The following PCNT variants were observed in gnomAD, a reference collection of about 807,000 sequenced individuals.
The protein encoded by PCNT is pericentrin.
PCNT carries 319 observed loss-of-function variants against 380.4 expected under a neutral mutation model. The observed-to-expected ratio is 0.84, with a 90% CI of 0.77 to 0.92. The LOEUF (loss-of-function observed/expected upper bound fraction) is 0.92. PCNT is among the 40% of genes least tolerant of loss of function. PCNT has a pLI of 0.00. For missense variants in PCNT, 4,400 were observed against 4,255.3 expected (o/e 1.03, Z -0.95); for synonymous variants, 1,845 against 1,735.2 (o/e 1.06, Z -1.57).
At chr21:46,381,985 A>T in intron 16 of PCNT, 145 bp downstream of exon 16, 2 of 825,490 alleles carry the variant, frequency 2.4e-6, no homozygotes, top group Non-Finnish European at 3.8e-6. Flanking sequence ...GCGGAAGCGC[A>T]TTCACAGTGT....
rs1224173336 is a variant in PCNT, at chr21:46,388,142, G to A, written c.3465-600G>A. 2.6e-5 allele frequency among the ~76,000 whole-genome samples: 4 copies of A among 151,984 alleles called. No homozygotes were observed. The highest frequency in any genetic ancestry group is 2.6e-4 in the Admixed American group (4 of 15,262). On this transcript the variant is annotated intron_variant, in intron 17 of 46. Transcript: ENST00000359568. The surrounding 1 kb of genome is among the most constrained non-coding windows in gnomAD (Gnocchi z 4.2). Reference sequence around the variant, plus strand: ...GGAGAAAGGCGTGAACCCGGGAGGTGGAGCTTGCAGTGAGCCAAGATCGTG... The same window carrying A: ...GGAGAAAGGCGTGAACCCGGGAGGTAGAGCTTGCAGTGAGCCAAGATCGTG...
At chr21:46,351,372 C>A in intron 8 of PCNT, 57 bp from the exon 9 acceptor site, 1 of 910,512 alleles carries the variant, frequency 1.1e-6, no homozygotes. Flanking sequence ...CACGTCACTG[C>A]TGGGGTGGGG....
chr21:46,359,661 G>A (rs2084632683), intron 13 of PCNT, among the ~76,000 whole-genome samples: 1 of 140,604 alleles, frequency 7.1e-6, no homozygotes, highest in Admixed American at 7.1e-5. Context: ...GCTAATTTTT[G>A]TATTTTTAAT....
Position 46,353,217 on chromosome 21 carries a change from G to T in PCNT, c.1570G>T (p.Glu524Ter). The T allele has an allele frequency of 6.2e-7, 1 of 1,614,116 alleles. No homozygotes were observed. The highest frequency in any genetic ancestry group is 8.5e-7 in the Non-Finnish European group (1 of 1,180,010). ...ACTGGAGCAACTGAGGATTTATTTT[G>T]AAAAGAAGTTAAGGGATGCTGAGAA... ...SELEQLRIYFEKKLRDAEKTY... is the reference protein window; with the variant it reads ...SELEQLRIYF The change falls in exon 10 of 47, where the codon GAA becomes TAA. Residue 524 changes from glutamate to a stop codon, truncating the protein, a stop_gained. Transcript: ENST00000359568. LOFTEE classifies it high-confidence loss of function.
At chr21:46,375,916 C>T (rs118048279) in intron 15 of PCNT, among the ~76,000 whole-genome samples, 3,253 of 152,352 alleles carry the variant, frequency 0.021, 40 homozygotes, top group Middle Eastern at 0.058. Flanking sequence ...GCGGTACCTG[C>T]GGGTGGTGCT....
chr21:46,328,881 C>G (rs1179556345), intron 2 of PCNT, among the ~76,000 whole-genome samples: 1 of 151,622 alleles, frequency 6.6e-6, no homozygotes, highest in Non-Finnish European at 1.5e-5. Context: ...TCAAGCGTTT[C>G]TCCTGCATCA....
chr21:46,398,204 T>G, intron 23 of PCNT, 31 bp from the exon 24 acceptor site: 3 of 1,607,930 alleles, frequency 1.9e-6, no homozygotes, highest in Non-Finnish European at 2.5e-6. Flanking sequence ...TTTCTTTAAA[T>G]TTTTGCCTTC....
rs1310667474 is a variant in PCNT at position 46,326,513 on chromosome 21, G to A, written c.191G>A (p.Cys64Tyr). 1 of 1,614,076 alleles carries A rather than the reference G, an allele frequency of 6.2e-7. No individual in the cohort carries two copies. Among genetic ancestry groups the A allele is most frequent in the South Asian group, 1.1e-5 (1 of 91,094 alleles). The change falls in exon 2 of 47, where the codon TGT (cysteine) becomes TAT (tyrosine). Residue 64 changes from cysteine (C) to tyrosine (Y), a missense_variant. Cys to Tyr is a radical substitution (Grantham distance 194). Coordinates refer to ENST00000359568, the MANE Select transcript of PCNT (RefSeq NM_006031.6). ...SPVTKEDSAL[C>Y]GGGDICKSTS... ...GTAACCAAGGAGGACAGCGCACTCT[G>A]TGGAGGAGGGGACATTTGCAAAAGC...
chr21:46,367,263 C>T, intron 15 of PCNT, 124 bp downstream of exon 15: 1 of 783,116 alleles, frequency 1.3e-6, no homozygotes, highest in Non-Finnish European at 2.1e-6. Context: ...GTGTGTCTCA[C>T]AGGCTGCCGA....
At position 46,346,986 on chromosome 21, in the gene PCNT, G is replaced by A. The variant is rs1437870683; in HGVS notation, c.964G>A (p.Gly322Arg). ...REKEEVVLRC[G>R]QEAAELKEKL... ...GAAGGAGGAGGTGGTGCTCAGGTGT[G>A]GACAGGAAGCAGGTACTGCATGGCT... Residue 322 changes from glycine to arginine, a missense_variant, in exon 5 of 47, where the codon GGA (glycine) becomes AGA (arginine). Coordinates refer to ENST00000359568, the MANE Select transcript of PCNT (RefSeq NM_006031.6). 6.3e-7 allele frequency: 1 copy of A among 1,595,832 alleles called. No homozygotes were observed. The highest frequency in any genetic ancestry group is 8.5e-7 in the Non-Finnish European group (1 of 1,173,684).
chr21:46,337,538 C>G (rs1313239088), intron 3 of PCNT, among the ~76,000 whole-genome samples: 1 of 152,172 alleles, frequency 6.6e-6, no homozygotes, highest in African/African-American at 2.4e-5. Flanking sequence ...ACTTCCTATC[C>G]TGGGATCCCA....
rs1248268358 is a variant in PCNT at position 46,349,734 on chromosome 21, C to A, written c.1258C>A (p.Arg420Ser). The A allele has an allele frequency of 6.2e-7, 1 of 1,613,706 alleles. No individual in the cohort carries two copies. The highest frequency in any genetic ancestry group is 1.3e-5 in the African/African-American group (1 of 74,894). ...SHHQAAIEKL[R>S]EDLQSEHGRC... is the part of the protein sequence containing the mutation. ...TCATCAAGCAGCCATTGAGAAGTTA[C>A]GTGAAGACCTGCAGTCCGAGCACGG... The change falls in exon 8 of 47, where the codon CGT becomes AGT. Residue 420 changes from arginine (R) to serine (S), a missense_variant. Physicochemically the swap from Arg to Ser is moderately radical, Grantham distance 110 (BLOSUM62 -1). Transcript: ENST00000359568.
At chr21:46,445,182 T>G (rs2053721864) in intron 46 of PCNT, 102 bp from the exon 47 acceptor site, 5 of 846,926 alleles carry the variant, frequency 5.9e-6, no homozygotes, top group Non-Finnish European at 1.0e-5. Flanking sequence ...TTACCAAAAT[T>G]TACATGAATT....
intron 1 of PCNT, 150 bp from the exon 2 acceptor site, chr21:46,326,227 T>C: frequency 1.4e-6 from 1 of 705,298 alleles, no homozygotes; most frequent in Non-Finnish European, 2.6e-6. Flanking sequence ...AAGGCAGTGT[T>C]TGTGGAGAGC....
intron 8 of PCNT, among the ~76,000 whole-genome samples, chr21:46,350,746 A>G (rs2084236703): frequency 6.6e-6 from 1 of 151,938 alleles, no homozygotes; most frequent in African/African-American, 2.4e-5. Context: ...GGCTCACTCC[A>G]CACCCCCAGT....
intron 30 of PCNT, 135 bp downstream of exon 30, chr21:46,416,974 G>T: frequency 1.3e-6 from 1 of 792,796 alleles, no homozygotes. Context: ...AGCTCTGCAG[G>T]ACTGGCATCA....
chr21:46,331,443 A>T (rs1185668838), intron 2 of PCNT, among the ~76,000 whole-genome samples: 1 of 152,214 alleles, frequency 6.6e-6, no homozygotes. Flanking sequence ...CTGTTGCCTT[A>T]CAATTTGTTA....
At chr21:46,359,491 G>GTTTTTTT (rs1219693835) in intron 13 of PCNT, among the ~76,000 whole-genome samples, 1 of 66,048 alleles carries the variant, frequency 1.5e-5, no homozygotes, top group Non-Finnish European at 3.2e-5. Flanking sequence ...TTTTTTTTTT[G>GTTTTTTT]TTTTTTTTTT....
intron 36 of PCNT, 121 bp from the exon 37 acceptor site, chr21:46,430,386 G>C: frequency 1.4e-6 from 2 of 1,435,372 alleles, no homozygotes; most frequent in Non-Finnish European, 1.9e-6. Context: ...TAATCCTGTG[G>C]TGGGGGGTGA....
Sources: gnomAD v4.1 joint callset for allele counts (sites outside exome capture counted in the v4.1 genomes callset) on GRCh38, gnomAD v4.1.1 for gene constraint, Gnocchi (gnomAD v3.1) non-coding constraint, MANE v1.5 for transcripts, NCBI Gene and HGNC (gene_info 2026-07-23, HGNC 2026-07-21) for gene names.